The following CPQ variants were observed in gnomAD, a reference collection of about 807,000 sequenced individuals.
CPQ encodes the protein Ser-Met dipeptidase.
CPQ carries 37 observed loss-of-function variants against 45.7 expected under a neutral mutation model. The ratio of observed to expected loss-of-function variants is 0.81; its 90% CI spans 0.62 to 1.07. CPQ has a LOEUF of 1.07. Ranked by LOEUF, CPQ falls within the 50% of genes least tolerant of loss-of-function variation. The probability of loss-of-function intolerance (pLI) is 0.00; values close to 1 mark genes in which losing one functional copy is unlikely to be tolerated. For synonymous variants in CPQ, 186 were observed against 205.8 expected, an observed-to-expected ratio of 0.90 and a Z score of 0.82; for missense variants, 537 against 572.9, an observed-to-expected ratio of 0.94 and a Z score of 0.64.
rs113307428 is a variant in CPQ at position 96,920,487 on chromosome 8, A to G, written c.849+40482A>G. ...ATTTAATTCTGCCATTGTGCTAATT[A>G]GTCAGCCGATCAGCCTTCAGCATTG... On this transcript the variant is annotated intron_variant, in intron 4 of 7. Coordinates refer to ENST00000220763, the MANE Select transcript of CPQ (RefSeq NM_016134.4). 2.6e-3 allele frequency among the ~76,000 whole-genome samples: 391 copies of G among 152,282 alleles called. 2 individuals are homozygous for G. The highest frequency in any genetic ancestry group is 8.9e-3 in the African/African-American group (370 of 41,566).
chr8:96,962,479 A>G (rs1221427677), intron 4 of CPQ, among the ~76,000 whole-genome samples: 38 of 152,224 alleles, frequency 2.5e-4, no homozygotes, highest in Admixed American at 2.4e-3. Flanking sequence ...CAACAGAGGC[A>G]GTGAAGGGAC....
intron 7 of CPQ, among the ~76,000 whole-genome samples, chr8:97,119,705 G>A (rs1811665753): frequency 1.3e-5 from 2 of 152,158 alleles, no homozygotes; most frequent in Non-Finnish European, 2.9e-5. Context: ...ACAGACCCCT[G>A]CATCGTGACA....
At chr8:96,701,949 G>A (rs1295815964) in intron 1 of CPQ, among the ~76,000 whole-genome samples, 1 of 152,170 alleles carries the variant, frequency 6.6e-6, no homozygotes, top group Non-Finnish European at 1.5e-5. Context: ...GATGCCTGTG[G>A]GAGGTTTGCT....
intron 1 of CPQ, among the ~76,000 whole-genome samples, chr8:96,738,633 C>T (rs1199437948): frequency 6.6e-6 from 1 of 152,042 alleles, no homozygotes; most frequent in Non-Finnish European, 1.5e-5. Context: ...ACAACAGTCC[C>T]CAGAGTGTGA....
chr8:96,722,522 A>G (rs910547245), intron 1 of CPQ, among the ~76,000 whole-genome samples: 1 of 152,130 alleles, frequency 6.6e-6, no homozygotes, highest in Non-Finnish European at 1.5e-5. Flanking sequence ...TTTACTTTCT[A>G]GTCCTTTACA....
At chr8:96,965,586 G>A (rs1477641387) in intron 4 of CPQ, among the ~76,000 whole-genome samples, 1 of 151,934 alleles carries the variant, frequency 6.6e-6, no homozygotes, top group Non-Finnish European at 1.5e-5. Context: ...AACCAGGATG[G>A]TCTTGATCTC....
At chr8:96,666,701 C>T (rs1486800406) in intron 1 of CPQ, among the ~76,000 whole-genome samples, 1 of 152,216 alleles carries the variant, frequency 6.6e-6, no homozygotes, top group Non-Finnish European at 1.5e-5. Context: ...GGCCTCTAGA[C>T]TTCGAAGAGG....
Position 97,143,432 on chromosome 8 carries a change from A to G in CPQ, c.*249A>G, listed in dbSNP as rs767659791. ...GGGATTACAGTGGGGGCATTTCTTT[A>G]TATCACCTCTTAAAAACATTGTTTC... On this transcript the variant is annotated 3_prime_UTR_variant, in exon 8 of 8. Coordinates refer to ENST00000220763, the MANE Select transcript of CPQ (RefSeq NM_016134.4). 5.9e-5 allele frequency: 19 copies of G among 321,776 alleles called. No individual in the cohort carries two copies. Among genetic ancestry groups the G allele is most frequent in the Non-Finnish European group, 9.2e-5 (16 of 174,800 alleles). The allele number at this position is 321,776 out of a possible 1,614,324, so 19.9% of individuals were successfully genotyped here.
intron 7 of CPQ, among the ~76,000 whole-genome samples, chr8:97,118,616 A>G: frequency 6.6e-6 from 1 of 152,150 alleles, no homozygotes; most frequent in East Asian, 1.9e-4. Flanking sequence ...AGCATGTACA[A>G]ATGTCACATT....
intron 2 of CPQ, among the ~76,000 whole-genome samples, chr8:96,822,955 A>G (rs921828476): frequency 6.6e-6 from 1 of 152,034 alleles, no homozygotes; most frequent in Non-Finnish European, 1.5e-5. Context: ...CTTACACACC[A>G]TAGAAGTTTC....
At chr8:96,818,513 G>A (rs142291193) in intron 2 of CPQ, among the ~76,000 whole-genome samples, 2 of 152,096 alleles carry the variant, frequency 1.3e-5, no homozygotes, top group Non-Finnish European at 2.9e-5. Flanking sequence ...CAACAAACTC[G>A]ATTTGTAAAA....
chr8:96,936,497 T>G (rs1373245393), intron 4 of CPQ, among the ~76,000 whole-genome samples: 1 of 152,212 alleles, frequency 6.6e-6, no homozygotes, highest in African/African-American at 2.4e-5. Flanking sequence ...AACATTAATT[T>G]TTATTACTTT....
chr8:96,880,537 A>G (rs1351022184), intron 4 of CPQ, among the ~76,000 whole-genome samples: 7 of 13,914 alleles, frequency 5.0e-4, no homozygotes, highest in African/African-American at 2.1e-3. Flanking sequence ...ATATATATAT[A>G]TATATATATA....
At chr8:97,087,885 C>T (rs1258706434) in intron 7 of CPQ, among the ~76,000 whole-genome samples, 1 of 152,140 alleles carries the variant, frequency 6.6e-6, no homozygotes, top group African/African-American at 2.4e-5. Context: ...GGTACATTTA[C>T]AGTACTTGAT....
At chr8:96,851,721 A>G (rs1811773454) in intron 3 of CPQ, among the ~76,000 whole-genome samples, 1 of 152,226 alleles carries the variant, frequency 6.6e-6, no homozygotes, top group South Asian at 2.1e-4. Flanking sequence ...CTTTCAAACC[A>G]TAGAATAAAG....
intron 7 of CPQ, among the ~76,000 whole-genome samples, chr8:97,125,368 A>G (rs1180337818): frequency 2.0e-5 from 3 of 152,194 alleles, no homozygotes; most frequent in Non-Finnish European, 2.9e-5. Context: ...AGAAAGAGGT[A>G]AATACTTCCC....
In CPQ at chr8:96,735,708, A is replaced by G. The variant is rs1335665831; in HGVS notation, c.-34-49156A>G. On this transcript the variant is annotated intron_variant, in intron 1 of 7. Coordinates refer to ENST00000220763, the MANE Select transcript of CPQ (RefSeq NM_016134.4). The stretch of plus-strand genomic sequence containing the variant: ...AAAAATCCACATTGTGGCCACTTCC[A>G]TAGACCCATCTGCAGACAGGCCTTT... Among the ~76,000 whole-genome samples the G allele has an allele frequency of 2.6e-5, 4 of 152,150 alleles. No homozygotes were observed. In the East Asian group the frequency reaches 5.8e-4, roughly 22 times the overall value.
At chr8:96,651,819 CT>C (rs1280397347) in intron 1 of CPQ, among the ~76,000 whole-genome samples, 3 of 151,594 alleles carry the variant, frequency 2.0e-5, no homozygotes, top group Admixed American at 6.6e-5. Context: ...TTAATAAGTT[CT>C]TTTTTATTTT....
chr8:96,785,004 TAAAAG>T lies in CPQ; in HGVS notation c.110_114del (p.Lys37ArgfsTer10), dbSNP rs1194933522. ...ATCTCTAAGAGGACTTTTGAAGAAA[TAAAAG>T]AAGAAATAGCCAGCTGTGGAGATGT... On this transcript the variant is annotated frameshift_variant, in exon 2 of 8. Transcript: ENST00000220763. LOFTEE classifies it high-confidence loss of function. 2.5e-6 allele frequency: 4 copies of T among 1,613,518 alleles called. No homozygotes were observed. In the African/African-American group the frequency reaches 5.3e-5, roughly 22 times the overall value.
Sources: allele counts gnomAD v4.1 joint callset (sites outside exome capture counted in the v4.1 genomes callset), GRCh38; gene constraint gnomAD v4.1.1; transcripts MANE v1.5; gene names NCBI Gene and HGNC (gene_info 2026-07-23, HGNC 2026-07-21).